TDRKH: variants seen among roughly 807,000 people sequenced by gnomAD.
TDRKH encodes tudor and KH domain-containing protein.
Under a neutral mutation model 61.3 loss-of-function variants are expected in TDRKH, and 28 were observed. That is an observed-to-expected ratio of 0.46 (90% CI 0.34 to 0.63). The LOEUF (loss-of-function observed/expected upper bound fraction) is 0.63. Ranked by LOEUF, TDRKH falls within the 20% of genes least tolerant of loss-of-function variation. TDRKH has a pLI of 0.01. For missense variants in TDRKH, 540 were observed against 683.4 expected (o/e 0.79, Z 2.34); for synonymous variants, 219 against 244.4 (o/e 0.90, Z 0.97).
chr1:151,786,585 G>C (rs560878081), intron 1 of TDRKH, among the ~76,000 whole-genome samples: 35 of 152,314 alleles, frequency 2.3e-4, no homozygotes, highest in African/African-American at 8.2e-4. Flanking sequence ...CTGTCATACA[G>C]ATGACCAGAA....
downstream of TDRKH, chr1:151,768,079 G>C (rs772806627): frequency 1.2e-6 from 2 of 1,613,830 alleles, no homozygotes; most frequent in African/African-American, 2.7e-5. Flanking sequence ...GACGGTGCTG[G>C]CTACTGACCC....
At chr1:151,768,306 A>G, downstream of TDRKH, 12 of 1,537,286 alleles carry the variant, frequency 7.8e-6, no homozygotes, top group East Asian at 4.9e-5. Context: ...GTCATAGTAC[A>G]TAAGGCTAAT....
chr1:151,768,263 G>T, downstream of TDRKH: 2 of 1,589,582 alleles, frequency 1.3e-6, no homozygotes, highest in South Asian at 1.1e-5. Context: ...AGAATGGGGA[G>T]GGAATAGGTA....
downstream of TDRKH, chr1:151,766,655 G>T: frequency 6.5e-7 from 1 of 1,544,462 alleles, no homozygotes; most frequent in South Asian, 1.2e-5. Context: ...ATGCCACCAG[G>T]TTGCCTAAAC....
downstream of TDRKH, chr1:151,771,024 A>C: frequency 6.6e-7 from 1 of 1,516,992 alleles, no homozygotes; most frequent in Non-Finnish European, 8.8e-7. Context: ...CTGGGGGCAT[A>C]CATGTATTGA....
At position 151,775,122 on chromosome 1, in the gene TDRKH, A is replaced by C. The variant is rs1249810767; in HGVS notation, c.1479T>G (p.Ile493Met). ...GLELVHKGYAIELPEDIEENR... is the reference protein window; with the variant it reads ...GLELVHKGYAMELPEDIEENR... ...TTTCTTCTATGTCTTCAGGAAGCTCAATTGCGTATCCTTTGTGTACTAATT... is the reference window on the plus strand; with the variant it reads ...TTTCTTCTATGTCTTCAGGAAGCTCCATTGCGTATCCTTTGTGTACTAATT... Residue 493 changes from isoleucine (I) to methionine (M), a missense_variant, in exon 11 of 13, where the codon ATT becomes ATG. Ile to Met is a conservative substitution (Grantham distance 10). Transcript: ENST00000368824. 3 of 1,614,046 alleles carry C rather than the reference A, an allele frequency of 1.9e-6. No individual in the cohort carries two copies. The African/African-American group carries it at 4.0e-5, about 22-fold the overall frequency.
chr1:151,779,744 T>C (rs1357716295), intron 4 of TDRKH: 10 of 510,412 alleles, frequency 2.0e-5, no homozygotes, highest in Non-Finnish European at 3.1e-5. Context: ...AAGAATCAAT[T>C]TGTAAGGTTC....
intron 1 of TDRKH, among the ~76,000 whole-genome samples, chr1:151,788,316 A>G (rs10788809): frequency 0.82 from 125,312 of 152,164 alleles, 51,857 homozygotes; most frequent in Middle Eastern, 0.92. Flanking sequence ...TAAATATCGA[A>G]TTCTGATGTG....
chr1:151,777,453 A>C (rs1372273448), intron 6 of TDRKH, among the ~76,000 whole-genome samples: 8 of 152,174 alleles, frequency 5.3e-5, no homozygotes, highest in Non-Finnish European at 7.3e-5. Flanking sequence ...CTCAAAAAAA[A>C]AAGTATGTCT....
At chr1:151,788,798 A>T (rs185199658) in intron 1 of TDRKH, among the ~76,000 whole-genome samples, 1 of 152,298 alleles carries the variant, frequency 6.6e-6, no homozygotes, top group East Asian at 1.9e-4. Context: ...TATCAAGATC[A>T]AGTGCAGAGG....
downstream of TDRKH, chr1:151,766,964 C>T: frequency 7.0e-7 from 1 of 1,437,156 alleles, no homozygotes; most frequent in Admixed American, 2.0e-5. Flanking sequence ...AAAGAATTTC[C>T]CAAATGGCAA....
At chr1:151,782,036 A>G (rs1299632207) in intron 2 of TDRKH, 6 of 449,666 alleles carry the variant, frequency 1.3e-5, no homozygotes, top group Non-Finnish European at 2.2e-5. Flanking sequence ...AGAGAAAAGG[A>G]ATATATAAAA....
chr1:151,783,126 A>G, intron 1 of TDRKH, 77 bp from the exon 2 acceptor site: 1 of 1,371,324 alleles, frequency 7.3e-7, no homozygotes. Flanking sequence ...ATGGGAGCAC[A>G]TTATTACTGA....
chr1:151,779,700 T>C (rs1227409152), intron 4 of TDRKH: 2 of 424,804 alleles, frequency 4.7e-6, no homozygotes, highest in Non-Finnish European at 8.3e-6. Flanking sequence ...AAATCAATTA[T>C]AAGGTAAATA....
downstream of TDRKH, chr1:151,767,499 A>C: frequency 1.1e-5 from 13 of 1,167,036 alleles, no homozygotes; most frequent in Non-Finnish European, 1.4e-5. Flanking sequence ...GGTAGTGAAA[A>C]TCAGGATTGG....
Position 151,776,503 on chromosome 1 carries a change from C to A in TDRKH, c.980G>T (p.Gly327Val), listed in dbSNP as rs778936577. 6.2e-7 allele frequency: 1 copy of A among 1,614,130 alleles called. No homozygotes were observed. Among genetic ancestry groups the A allele is most frequent in the Non-Finnish European group, 8.5e-7 (1 of 1,180,032 alleles). The change falls in exon 7 of 13, where the codon GGC (glycine) becomes GTC (valine). Residue 327 changes from glycine to valine, a missense_variant. Gly to Val is a moderately radical substitution (Grantham distance 109, BLOSUM62 -3). Transcript: ENST00000368824. Reference sequence around the variant, plus strand: ...CTTATCCAATTGCAGGCTGCGGGAGCCAACGATCTGGATCCAGAAGTGGTT... The same window carrying A: ...CTTATCCAATTGCAGGCTGCGGGAGACAACGATCTGGATCCAGAAGTGGTT... ...HPNHFWIQIV[G>V]SRSLQLDKLV...
intron 12 of TDRKH, 80 bp downstream of exon 12, chr1:151,774,630 A>G (rs1648972174): frequency 6.3e-7 from 1 of 1,591,568 alleles, no homozygotes; most frequent in Non-Finnish European, 8.6e-7. Flanking sequence ...CAAGCCTTCA[A>G]TTAACCTCCC....
chr1:151,769,086 T>C (rs1485033130), downstream of TDRKH, among the ~76,000 whole-genome samples: 1 of 151,634 alleles, frequency 6.6e-6, no homozygotes, highest in Non-Finnish European at 1.5e-5. Flanking sequence ...ACAGCAACAA[T>C]CTGATTTCTC....
chr1:151,770,484 G>A (rs1781424), downstream of TDRKH: 225,025 of 502,180 alleles, frequency 0.45, 53,245 homozygotes, highest in Non-Finnish European at 0.51. Context: ...CAGACTGAAG[G>A]AGCACTGGTG....
Sources: gnomAD v4.1 joint callset for allele counts (sites outside exome capture counted in the v4.1 genomes callset) on GRCh38, gnomAD v4.1.1 for gene constraint, MANE v1.5 for transcripts, NCBI Gene and HGNC (gene_info 2026-07-23, HGNC 2026-07-21) for gene names.